Variants in PITPNM2 observed in about 807,000 individuals in gnomAD.
The protein encoded by PITPNM2 is membrane-associated phosphatidylinositol transfer protein 2.
A neutral mutation model predicts 132.2 loss-of-function variants in PITPNM2; 35 were observed. That is an observed-to-expected ratio of 0.26 (90% CI 0.20 to 0.35). The LOEUF is 0.35. Among genes scored for constraint, PITPNM2 ranks in the 10% least tolerant of loss-of-function variants. The pLI, the probability that PITPNM2 is intolerant of heterozygous loss-of-function variation, is 1.00. For synonymous variants in PITPNM2, 738 were observed against 799.2 expected, an observed-to-expected ratio of 0.92 and a Z score of 1.29; for missense variants, 1,332 against 1,912.0, an observed-to-expected ratio of 0.70 and a Z score of 5.66.
chr12:123,059,430 G>A (rs1284912236), intron 2 of PITPNM2, among the ~76,000 whole-genome samples: 2 of 152,240 alleles, frequency 1.3e-5, no homozygotes, highest in African/African-American at 4.8e-5. Flanking sequence ...GGTTCGGTCT[G>A]TACTCTCTGC....
chr12:123,112,682 C>T (rs572883220), intron 1 of PITPNM2, among the ~76,000 whole-genome samples: 20 of 152,024 alleles, frequency 1.3e-4, no homozygotes, highest in South Asian at 8.3e-4. Context: ...GGGACTACGG[C>T]GACTGCCACC....
chr12:122,984,519 C>T lies in PITPNM2; in HGVS notation c.*1508G>A, dbSNP rs751101032. Reference sequence around the variant, plus strand: ...TATGAATAAACCCTGAAGGTTCCATCCCTCCAGACTTTTTTCTCTGCACAA... The same window carrying T: ...TATGAATAAACCCTGAAGGTTCCATTCCTCCAGACTTTTTTCTCTGCACAA... On this transcript the variant is annotated 3_prime_UTR_variant, in exon 26 of 26. Transcript: ENST00000320201. 2.6e-5 allele frequency: 4 copies of T among 152,446 alleles called. No individual in the cohort carries two copies. Among genetic ancestry groups the T allele is most frequent in the Non-Finnish European group, 4.4e-5 (3 of 68,058 alleles). The allele number at this position is 152,446 out of a possible 1,614,324, so 9.4% of individuals were successfully genotyped here.
chr12:123,062,881 C>T (rs2041293567), intron 2 of PITPNM2, among the ~76,000 whole-genome samples: 2 of 152,208 alleles, frequency 1.3e-5, no homozygotes, highest in Admixed American at 6.5e-5. Context: ...CCTGCTTCAC[C>T]CCACTACCAA....
At chr12:123,133,429 A>G (rs57083267) in intron 1 of PITPNM2, among the ~76,000 whole-genome samples, 2 of 152,326 alleles carry the variant, frequency 1.3e-5, no homozygotes, top group African/African-American at 4.8e-5. Flanking sequence ...GAACAAATAC[A>G]TTGATCACTC....
chr12:123,094,921 T>C lies in PITPNM2; in HGVS notation c.-96+15464A>G, dbSNP rs115467402. Among the ~76,000 whole-genome samples the C allele has an allele frequency of 3.7e-3, 566 of 152,350 alleles. 4 individuals carry two copies. Among genetic ancestry groups the C allele is most frequent in the African/African-American group, 0.013 (534 of 41,580 alleles). ...ACCTCTCCTTTCTTCACTCTATTTA[T>C]CAGTACACCCTCGCAGAACCACAGA... On this transcript the variant is annotated intron_variant, in intron 2 of 25. Transcript: ENST00000320201.
chr12:123,034,013 C>T (rs1272630235), intron 3 of PITPNM2, among the ~76,000 whole-genome samples: 1 of 152,176 alleles, frequency 6.6e-6, no homozygotes, highest in African/African-American at 2.4e-5. Flanking sequence ...GACACCAGAG[C>T]CTGCTCACTC....
intron 2 of PITPNM2, chr12:123,092,678 C>T (rs547636056): frequency 5.9e-5 from 9 of 152,396 alleles, no homozygotes; most frequent in Admixed American, 5.9e-4. Flanking sequence ...GCAGAGCCAC[C>T]TCTGCCTTTG....
intron 2 of PITPNM2, among the ~76,000 whole-genome samples, chr12:123,093,143 C>T (rs920107930): frequency 6.6e-6 from 1 of 152,098 alleles, no homozygotes; most frequent in East Asian, 1.9e-4. Flanking sequence ...TGTGTCACTC[C>T]GTTCATAAGA....
chr12:123,103,198 G>A (rs2042608187), intron 2 of PITPNM2, among the ~76,000 whole-genome samples: 1 of 152,338 alleles, frequency 6.6e-6, no homozygotes. Flanking sequence ...TGTCCTTACA[G>A]TGATGATCCC....
intron 2 of PITPNM2, among the ~76,000 whole-genome samples, chr12:123,101,614 G>A (rs1401949681): frequency 3.3e-5 from 5 of 152,206 alleles, no homozygotes; most frequent in African/African-American, 4.8e-5. Flanking sequence ...GCACACAGAC[G>A]GTACTTAGTA....
chr12:123,076,089 A>G (rs1315008569), intron 2 of PITPNM2: 6 of 152,262 alleles, frequency 3.9e-5, no homozygotes, highest in Non-Finnish European at 5.9e-5. Context: ...CCAAAACCAA[A>G]CTAAACAAAA....
chr12:123,055,858 A>G (rs1419865608), intron 2 of PITPNM2, among the ~76,000 whole-genome samples: 2 of 152,074 alleles, frequency 1.3e-5, no homozygotes, highest in East Asian at 3.9e-4. Context: ...CCTCCATAAA[A>G]GCATCCCCAA....
intron 1 of PITPNM2, among the ~76,000 whole-genome samples, chr12:123,146,895 C>A (rs1482343355): frequency 3.9e-5 from 6 of 152,188 alleles, no homozygotes; most frequent in African/African-American, 1.4e-4. Context: ...ATTCTGCCAG[C>A]CTCTGCCTCT....
intron 1 of PITPNM2, among the ~76,000 whole-genome samples, chr12:123,114,642 G>C (rs2042901800): frequency 6.6e-6 from 1 of 152,008 alleles, no homozygotes; most frequent in African/African-American, 2.4e-5. Context: ...GTTCTGAAAT[G>C]TGGTCCTCCA....
Position 123,097,730 on chromosome 12 carries a change from C to T in PITPNM2, c.-96+12655G>A, listed in dbSNP as rs1328826475. ...TGTGCCTATATTTATCGCCCAAAGC[C>T]GCTGGGATAATGGCAAGGCCAGAAA... On this transcript the variant is annotated intron_variant, in intron 2 of 25. Coordinates refer to ENST00000320201, the MANE Select transcript of PITPNM2 (RefSeq NM_020845.3). The surrounding 1 kb of genome is among the most constrained non-coding windows in gnomAD (Gnocchi z 4.7). Among the ~76,000 whole-genome samples, 1 of 152,202 alleles carries T rather than the reference C, an allele frequency of 6.6e-6. No individual in the cohort carries two copies. The highest frequency in any genetic ancestry group is 1.5e-5 in the Non-Finnish European group (1 of 68,044).
At chr12:123,047,150 T>C (rs554671389) in intron 2 of PITPNM2, among the ~76,000 whole-genome samples, 1 of 152,354 alleles carries the variant, frequency 6.6e-6, no homozygotes, top group South Asian at 2.1e-4. Context: ...TAAAGCTATG[T>C]ATTGATGCGT....
chr12:123,034,483 C>T (rs749948813), intron 3 of PITPNM2, 30 bp downstream of exon 3: 137 of 1,607,150 alleles, frequency 8.5e-5, no homozygotes, highest in Non-Finnish European at 1.1e-4. Context: ...CCACCCTCAC[C>T]CCATGACCCA....
intron 1 of PITPNM2, among the ~76,000 whole-genome samples, chr12:123,127,116 G>A (rs2043154967): frequency 6.6e-6 from 1 of 152,224 alleles, no homozygotes; most frequent in Non-Finnish European, 1.5e-5. Flanking sequence ...AGGATGAGTT[G>A]AGCTTGAAAT....
intron 1 of PITPNM2, among the ~76,000 whole-genome samples, chr12:123,137,817 C>T (rs570618142): frequency 1.3e-5 from 2 of 149,550 alleles, no homozygotes; most frequent in African/African-American, 4.9e-5. Flanking sequence ...CACTTGAACC[C>T]GGGAGATGGA....
Sources: allele counts gnomAD v4.1 joint callset (sites outside exome capture counted in the v4.1 genomes callset), GRCh38; gene constraint gnomAD v4.1.1; non-coding constraint Gnocchi (gnomAD v3.1); transcripts MANE v1.5; gene names NCBI Gene and HGNC (gene_info 2026-07-23, HGNC 2026-07-21).